Variants in COL24A1 observed in about 807,000 individuals in gnomAD.
COL24A1 encodes collagen alpha-1(XXIV) chain.
COL24A1 carries 224 observed loss-of-function variants against 253.9 expected under a neutral mutation model. That is an observed-to-expected ratio of 0.88 (90% CI 0.79 to 0.99). COL24A1 has a LOEUF of 0.99. COL24A1 is among the 50% of genes least tolerant of loss of function. The probability of loss-of-function intolerance (pLI) is 0.00; values close to 1 mark genes in which losing one functional copy is unlikely to be tolerated. For synonymous variants in COL24A1, 685 were observed against 673.7 expected, an observed-to-expected ratio of 1.02 and a Z score of -0.26; for missense variants, 2,131 against 2,068.5, an observed-to-expected ratio of 1.03 and a Z score of -0.59.
intron 53 of COL24A1, among the ~76,000 whole-genome samples, chr1:85,765,241 A>C (rs945752793): frequency 1.3e-5 from 2 of 152,164 alleles, no homozygotes; most frequent in African/African-American, 4.8e-5. Flanking sequence ...ACTTAGAGAT[A>C]ATATTAGAGA....
At chr1:85,849,326 C>T (rs761326930) in intron 38 of COL24A1, 27 bp downstream of exon 38, 2 of 1,602,326 alleles carry the variant, frequency 1.2e-6, no homozygotes, top group Non-Finnish European at 1.7e-6. Context: ...AGAAAGAAAA[C>T]CTGCATAAGA....
intron 24 of COL24A1, 23 bp downstream of exon 24, chr1:85,961,226 A>G (rs774790701): frequency 1.3e-6 from 2 of 1,541,022 alleles, no homozygotes; most frequent in South Asian, 2.3e-5. Flanking sequence ...TGATTAAAAA[A>G]TAAGAGCATA....
chr1:85,985,091 C>T (rs1161955156), intron 20 of COL24A1, among the ~76,000 whole-genome samples: 1 of 151,678 alleles, frequency 6.6e-6, no homozygotes, highest in African/African-American at 2.4e-5. Flanking sequence ...CTAATAGACA[C>T]ATAAGCACAT....
intron 47 of COL24A1, among the ~76,000 whole-genome samples, chr1:85,793,578 T>A (rs924787845): frequency 2.0e-5 from 3 of 152,178 alleles, no homozygotes; most frequent in Non-Finnish European, 4.4e-5. Flanking sequence ...TTGTGCCTCA[T>A]CCTAAGTGTA....
At chr1:85,982,991 C>G (rs537200642) in intron 20 of COL24A1, among the ~76,000 whole-genome samples, 1 of 151,482 alleles carries the variant, frequency 6.6e-6, no homozygotes, top group Admixed American at 6.6e-5. Context: ...CTTCCTCTTA[C>G]CAAGTTAGCT....
At chr1:86,041,514 A>T (rs1173287615) in intron 12 of COL24A1, among the ~76,000 whole-genome samples, 1 of 152,142 alleles carries the variant, frequency 6.6e-6, no homozygotes, top group African/African-American at 2.4e-5. Flanking sequence ...TGCTTTTTTT[A>T]AAAGCAACTA....
At chr1:86,127,649 A>G (rs896262489) in intron 2 of COL24A1, among the ~76,000 whole-genome samples, 1 of 147,490 alleles carries the variant, frequency 6.8e-6, no homozygotes, top group Admixed American at 6.9e-5. Flanking sequence ...ATCTCCAACC[A>G]GAAATGTTAC....
At chr1:86,149,340 A>G (rs1652403858) in intron 1 of COL24A1, among the ~76,000 whole-genome samples, 1 of 152,252 alleles carries the variant, frequency 6.6e-6, no homozygotes, top group South Asian at 2.1e-4. Context: ...CCATCACGCA[A>G]GATTAAAATG....
At chr1:86,135,595 C>T (rs886280009) in intron 2 of COL24A1, among the ~76,000 whole-genome samples, 73 of 151,820 alleles carry the variant, frequency 4.8e-4, no homozygotes, top group African/African-American at 1.6e-3. Context: ...TATAACTTCC[C>T]TTTGTGCTCC....
intron 7 of COL24A1, among the ~76,000 whole-genome samples, chr1:86,085,844 CA>C (rs1236284989): frequency 6.6e-6 from 1 of 151,972 alleles, no homozygotes; most frequent in African/African-American, 2.4e-5. Context: ...ATACTGGTTT[CA>C]AAAAATGGGA....
intron 43 of COL24A1, among the ~76,000 whole-genome samples, chr1:85,827,994 GT>G (rs1674620578): frequency 6.6e-6 from 1 of 151,986 alleles, no homozygotes; most frequent in Non-Finnish European, 1.5e-5. Flanking sequence ...TGCTTTTCTA[GT>G]TCTTTTAATT....
At position 85,775,729 on chromosome 1, in the gene COL24A1, T is replaced by G; in HGVS notation, c.4339-20A>C. ...GGGTCCCTAAAAGAAAAAAAAAAGA[T>G]GTTAGTTCATTGTTATTGATAGTTA... On this transcript the variant is annotated intron_variant, in intron 52 of 59. Coordinates refer to ENST00000370571, the MANE Select transcript of COL24A1 (RefSeq NM_152890.7). 6.3e-7 allele frequency: 1 copy of G among 1,587,494 alleles called. No individual in the cohort carries two copies. Among genetic ancestry groups the G allele is most frequent in the Non-Finnish European group, 8.6e-7 (1 of 1,163,656 alleles).
intron 24 of COL24A1, among the ~76,000 whole-genome samples, chr1:85,959,318 C>T (rs1690786167): frequency 6.6e-6 from 1 of 152,028 alleles, no homozygotes; most frequent in Non-Finnish European, 1.5e-5. Flanking sequence ...CCATCCTTAA[C>T]AAGAAAGATA....
At chr1:85,923,030 A>G (rs1408136086) in intron 24 of COL24A1, among the ~76,000 whole-genome samples, 5 of 152,198 alleles carry the variant, frequency 3.3e-5, no homozygotes, top group Non-Finnish European at 7.3e-5. Context: ...CTAGTCTCTG[A>G]TGAAACAGAC....
At chr1:85,739,945 A>G (rs1364214704) in intron 57 of COL24A1, among the ~76,000 whole-genome samples, 2 of 152,126 alleles carry the variant, frequency 1.3e-5, no homozygotes, top group Non-Finnish European at 2.9e-5. Flanking sequence ...CCTAACTCCA[A>G]TAATTCTTCA....
intron 19 of COL24A1, among the ~76,000 whole-genome samples, chr1:85,992,213 G>C (rs7415711): frequency 0.46 from 70,219 of 151,116 alleles, 16,602 homozygotes; most frequent in East Asian, 0.6. Flanking sequence ...GAGAATGATG[G>C]TTTCCAGCTT....
intron 24 of COL24A1, among the ~76,000 whole-genome samples, chr1:85,918,374 C>T (rs531882621): frequency 2.0e-5 from 3 of 152,240 alleles, no homozygotes; most frequent in South Asian, 4.1e-4. Context: ...TTCTTACCCA[C>T]CTATTGGTTT....
At chr1:85,808,906 C>T (rs6576790) in intron 47 of COL24A1, among the ~76,000 whole-genome samples, 53,366 of 151,924 alleles carry the variant, frequency 0.35, 10,268 homozygotes, top group Non-Finnish European at 0.43. Flanking sequence ...ATTTGGTGGG[C>T]AGGCAGCTAA....
intron 12 of COL24A1, among the ~76,000 whole-genome samples, chr1:86,034,866 C>T (rs1054135765): frequency 1.3e-5 from 2 of 151,914 alleles, no homozygotes; most frequent in African/African-American, 2.4e-5. Flanking sequence ...TTTTAAGAGG[C>T]TATTTTATAA....
Sources: gnomAD v4.1 joint callset for allele counts (sites outside exome capture counted in the v4.1 genomes callset) on GRCh38, gnomAD v4.1.1 for gene constraint, MANE v1.5 for transcripts, NCBI Gene and HGNC (gene_info 2026-07-23, HGNC 2026-07-21) for gene names.